BLCAP: variants seen among roughly 807,000 people sequenced by gnomAD.
BLCAP encodes apoptosis inducing factor BLCAP.
Under a neutral mutation model 5.7 loss-of-function variants are expected in BLCAP, and 1 was observed. The observed-to-expected ratio is 0.18, with a 90% CI of 0.06 to 0.83. The LOEUF (loss-of-function observed/expected upper bound fraction) is 0.83, where lower values mean the gene tolerates loss of function less well. Ranked by LOEUF, BLCAP falls within the 40% of genes least tolerant of loss-of-function variation. The probability of loss-of-function intolerance (pLI) is 0.71; values close to 1 mark genes in which losing one functional copy is unlikely to be tolerated. For synonymous variants in BLCAP, 48 were observed against 49.4 expected (o/e 0.97, Z 0.11); for missense variants, 66 against 107.6 (o/e 0.61, Z 1.71).
rs1268376271 is a variant in BLCAP at position 37,518,760 on chromosome 20, T to C, written c.*151A>G. 6 of 1,089,116 alleles carry C rather than the reference T, an allele frequency of 5.5e-6. No homozygotes were observed. Among genetic ancestry groups the C allele is most frequent in the East Asian group, 4.8e-5 (2 of 41,382 alleles). 67.5% of individuals were successfully genotyped at this position (1,089,116 alleles called of 1,614,324 possible). A position where few individuals can be genotyped will look rare whatever the true frequency, so the allele number is the denominator to read the frequency against. On this transcript the variant is annotated 3_prime_UTR_variant, in exon 2 of 2. Coordinates refer to ENST00000373537, the MANE Select transcript of BLCAP (RefSeq NM_006698.4). ...GCACCGGTCAGTGCCATTATTCACATTGTAAGGATAAAACATCACAGGCCA... is the reference window on the plus strand; with the variant it reads ...GCACCGGTCAGTGCCATTATTCACACTGTAAGGATAAAACATCACAGGCCA...
chr20:37,525,525 C>T (rs1359352148), intron 1 of BLCAP, among the ~76,000 whole-genome samples: 1 of 152,204 alleles, frequency 6.6e-6, no homozygotes, highest in African/African-American at 2.4e-5. Context: ...CAAGGGCTGC[C>T]CTGGTGGCCT....
chr20:37,524,907 G>A (rs895638633), intron 1 of BLCAP, among the ~76,000 whole-genome samples: 2 of 152,144 alleles, frequency 1.3e-5, no homozygotes, highest in African/African-American at 4.8e-5. Flanking sequence ...TTTCCCTCTC[G>A]AAGAGGGCCT....
rs552204672 is a variant in BLCAP, at chr20:37,519,246, C to A, written c.-72G>T. The A allele has an allele frequency of 5.4e-6, 8 of 1,478,272 alleles. No individual in the cohort carries two copies. Among genetic ancestry groups the A allele is most frequent in the Middle Eastern group, 2.4e-4 (1 of 4,086 alleles). The allele number at this position is 1,478,272 out of a possible 1,614,324, so 91.6% of individuals were successfully genotyped here. ...CAGGAACCGACCTAATGGGAGCCAG[C>A]GGGCGCAGGCGGCTGCCCTCCGCTT... On this transcript the variant is annotated 5_prime_UTR_variant, in exon 2 of 2. Coordinates refer to ENST00000373537, the MANE Select transcript of BLCAP (RefSeq NM_006698.4).
At chr20:37,522,598 G>GGGGGGGGGGGGGGGGGGGGGGGGGCCC in intron 1 of BLCAP, 7 of 864,320 alleles carry the variant, frequency 8.1e-6, no homozygotes, top group Non-Finnish European at 8.6e-6. Flanking sequence ...GCGGGGGTGG[G>GGGGGGGGGGGGGGGGGGGGGGGGGCCC]CACGGCAGCA....
chr20:37,520,905 G>T (rs1026925819), intron 1 of BLCAP, among the ~76,000 whole-genome samples: 1 of 152,176 alleles, frequency 6.6e-6, no homozygotes, highest in African/African-American at 2.4e-5. Flanking sequence ...GCTTTGGAGT[G>T]GCACCGGAGA....
chr20:37,520,244 T>C (rs2071518517), intron 1 of BLCAP: 1 of 152,252 alleles, frequency 6.6e-6, no homozygotes, highest in African/African-American at 2.4e-5. Flanking sequence ...ACAAACCGCA[T>C]TCCGGTCTTC....
Position 37,523,019 on chromosome 20 carries a change from C to A in BLCAP, c.-176-3669G>T, listed in dbSNP as rs2087743678. 6.7e-6 allele frequency: 3 copies of A among 446,214 alleles called. No individual in the cohort carries two copies. The East Asian group carries it at 1.1e-4, about 16-fold the overall frequency. 27.6% of individuals were successfully genotyped at this position (446,214 alleles called of 1,614,324 possible). A position where few individuals can be genotyped will look rare whatever the true frequency, so the allele number is the denominator to read the frequency against. ...GAGAGAGGAGGGGGGATAGGGGGAGCAGACCCCTGAGATCTGGGCATAGGC... is the reference window on the plus strand; with the variant it reads ...GAGAGAGGAGGGGGGATAGGGGGAGAAGACCCCTGAGATCTGGGCATAGGC... On this transcript the variant is annotated intron_variant, in intron 1 of 1. Transcript: ENST00000373537.
chr20:37,526,005 G>A (rs188080767), intron 1 of BLCAP, among the ~76,000 whole-genome samples: 123 of 152,284 alleles, frequency 8.1e-4, no homozygotes, highest in African/African-American at 2.9e-3. Context: ...GTTAAGTCCA[G>A]AGGTGTTTAG....
At chr20:37,525,458 C>T (rs568744042) in intron 1 of BLCAP, among the ~76,000 whole-genome samples, 2 of 152,206 alleles carry the variant, frequency 1.3e-5, no homozygotes, top group Non-Finnish European at 2.9e-5. Flanking sequence ...CCCTTTTCCT[C>T]CATCCGTCCA....
chr20:37,524,520 C>T (rs2071688034), intron 1 of BLCAP: 1 of 152,334 alleles, frequency 6.6e-6, no homozygotes. Context: ...AATGGCCCTG[C>T]CGCCTGTTCA....
At position 37,517,808 on chromosome 20, in the gene BLCAP, CCT is replaced by C. The variant is rs758326545; in HGVS notation, c.*1101_*1102del. On this transcript the variant is annotated 3_prime_UTR_variant, in exon 2 of 2. Coordinates refer to ENST00000373537, the MANE Select transcript of BLCAP (RefSeq NM_006698.4). ...GCGGGAGGATGATGGCCACTGCTCC[CCT>C]CTGTCTTGTCTGAACCACCTCGGAG... 7 of 152,714 alleles carry C rather than the reference CCT, an allele frequency of 4.6e-5. No homozygotes were observed. The highest frequency in any genetic ancestry group is 8.8e-5 in the Non-Finnish European group (6 of 68,096). The allele number at this position is 152,714 out of a possible 1,614,324, so 9.5% of individuals were successfully genotyped here.
chr20:37,523,953 G>A (rs1303929708), intron 1 of BLCAP, among the ~76,000 whole-genome samples: 3 of 152,214 alleles, frequency 2.0e-5, no homozygotes, highest in African/African-American at 7.2e-5. Context: ...CCTCCCCAAA[G>A]GGATAGGTGC....
At chr20:37,519,483 T>C (rs997856662) in intron 1 of BLCAP, 133 bp from the exon 2 acceptor site, 33 of 252,314 alleles carry the variant, frequency 1.3e-4, no homozygotes, top group Non-Finnish European at 2.3e-4. Context: ...GGATCATGGT[T>C]AACAACAGCA....
Position 37,521,863 on chromosome 20 carries a change from G to T in BLCAP, c.-176-2513C>A, listed in dbSNP as rs1165762553. Among the ~76,000 whole-genome samples the T allele has an allele frequency of 6.7e-6, 1 of 149,520 alleles. No individual in the cohort carries two copies. The highest frequency in any genetic ancestry group is 1.5e-5 in the Non-Finnish European group (1 of 67,516). On this transcript the variant is annotated intron_variant, in intron 1 of 1. Transcript: ENST00000373537. This position sits in a 1 kb window ranked among gnomAD's most constrained non-coding sequence, Gnocchi z 4.5. ...CTTGCGGGGGTGGAACAAAAAATAAGTTAGAAAAAGGCACTTCTCAGAAAA... is the reference window on the plus strand; with the variant it reads ...CTTGCGGGGGTGGAACAAAAAATAATTTAGAAAAAGGCACTTCTCAGAAAA...
intron 1 of BLCAP, among the ~76,000 whole-genome samples, chr20:37,520,747 C>T (rs1011635219): frequency 6.6e-6 from 1 of 152,220 alleles, no homozygotes; most frequent in Non-Finnish European, 1.5e-5. Flanking sequence ...AAGCAGAGGA[C>T]CTGGGCTTAA....
At position 37,519,211 on chromosome 20, in the gene BLCAP, G is replaced by A. The variant is rs2071472974; in HGVS notation, c.-37C>T. ...GGCAGGGCCTTCACCAAGGCTGCCGGGCACCGCTGCAGGAACCGACCTAAT... is the reference window on the plus strand; with the variant it reads ...GGCAGGGCCTTCACCAAGGCTGCCGAGCACCGCTGCAGGAACCGACCTAAT... On this transcript the variant is annotated 5_prime_UTR_variant, in exon 2 of 2. Coordinates refer to ENST00000373537, the MANE Select transcript of BLCAP (RefSeq NM_006698.4). The A allele has an allele frequency of 6.5e-7, 1 of 1,543,694 alleles. No homozygotes were observed. The highest frequency in any genetic ancestry group is 8.8e-7 in the Non-Finnish European group (1 of 1,142,510).
Position 37,521,957 on chromosome 20 carries a change from CAG to C in BLCAP, c.-176-2609_-176-2608del, listed in dbSNP as rs2071593083. ...AGAGAAAAAGTAGTTCACAGGAAAA[CAG>C]AAAAACGCGCATTGCAGGAAAAATA... On this transcript the variant is annotated intron_variant, in intron 1 of 1. Coordinates refer to ENST00000373537, the MANE Select transcript of BLCAP (RefSeq NM_006698.4). The surrounding 1 kb of genome is among the most constrained non-coding windows in gnomAD (Gnocchi z 4.5). Among the ~76,000 whole-genome samples, 1 of 139,656 alleles carries C rather than the reference CAG, an allele frequency of 7.2e-6. No individual in the cohort carries two copies. Among genetic ancestry groups the C allele is most frequent in the African/African-American group, 2.7e-5 (1 of 37,688 alleles). The allele number at this position is 139,656 out of a possible 152,430, so 91.6% of individuals were successfully genotyped here.
At position 37,518,842 on chromosome 20, in the gene BLCAP, G is replaced by A; in HGVS notation, c.*69C>T. 6.4e-7 allele frequency: 1 copy of A among 1,567,542 alleles called. No individual in the cohort carries two copies. The highest frequency in any genetic ancestry group is 8.6e-7 in the Non-Finnish European group (1 of 1,158,904). On this transcript the variant is annotated 3_prime_UTR_variant, in exon 2 of 2. Coordinates refer to ENST00000373537, the MANE Select transcript of BLCAP (RefSeq NM_006698.4). ...AGGCTGCGGGATTTGAAACTCCAAT[G>A]CTTTATGACCTATGTCAATGCCTCC...
chr20:37,521,182 C>T lies in BLCAP; in HGVS notation c.-176-1832G>A. On this transcript the variant is annotated intron_variant, in intron 1 of 1. Transcript: ENST00000373537. The surrounding 1 kb of genome is among the most constrained non-coding windows in gnomAD (Gnocchi z 4.5). ...CCCAGCCACCCCTCCTCATAAACACCCCCCAAGGCGCGCATGCGCACTTAG... is the reference window on the plus strand; with the variant it reads ...CCCAGCCACCCCTCCTCATAAACACTCCCCAAGGCGCGCATGCGCACTTAG... The T allele has an allele frequency of 1.3e-6, 1 of 760,460 alleles. No homozygotes were observed. Among genetic ancestry groups the T allele is most frequent in the East Asian group, 2.5e-5 (1 of 40,400 alleles). 47.1% of individuals were successfully genotyped at this position (760,460 alleles called of 1,614,324 possible).
Sources: allele counts gnomAD v4.1 joint callset (sites outside exome capture counted in the v4.1 genomes callset), GRCh38; gene constraint gnomAD v4.1.1; non-coding constraint Gnocchi (gnomAD v3.1); transcripts MANE v1.5; gene names NCBI Gene and HGNC (gene_info 2026-07-23, HGNC 2026-07-21).